Variants in BDP1 observed in about 807,000 individuals in gnomAD.
The protein encoded by BDP1 is BDP1 general transcription factor IIIB subunit, also known as transcription factor TFIIIB component B'' homolog.
In BDP1, 169 loss-of-function variants were observed where a neutral mutation model predicts 266.6. The observed-to-expected ratio is 0.63, with a 90% CI of 0.56 to 0.72. The LOEUF (loss-of-function observed/expected upper bound fraction) is 0.72, where lower values mean the gene tolerates loss of function less well. Ranked by LOEUF, BDP1 falls within the 30% of genes least tolerant of loss-of-function variation. The pLI is 0.00. For missense variants in BDP1, 3,015 were observed against 3,053.8 expected (o/e 0.99, Z 0.30); for synonymous variants, 1,090 against 1,022.4 (o/e 1.07, Z -1.26).
chr5:71,516,328 T>TATAGCTCAGAC lies in BDP1; in HGVS notation c.4860+64_4860+74dup, dbSNP rs1380295303. ...TTTTAATGCATTTAAAATGTCAAGT[T>TATAGCTCAGAC]ATAGCTCAGACATAGCTTAGAAATA... On this transcript the variant is annotated intron_variant, in intron 21 of 38. Transcript: ENST00000358731. 147 of 1,302,742 alleles carry TATAGCTCAGAC rather than the reference T, an allele frequency of 1.1e-4. 1 individual carries two copies. Among genetic ancestry groups the TATAGCTCAGAC allele is most frequent in the Non-Finnish European group, 1.3e-4 (118 of 922,110 alleles). 80.7% of individuals were successfully genotyped at this position (1,302,742 alleles called of 1,614,324 possible). A position where few individuals can be genotyped will look rare whatever the true frequency, so the allele number is the denominator to read the frequency against.
At chr5:71,511,720 A>G (rs1010691597) in intron 17 of BDP1, among the ~76,000 whole-genome samples, 4 of 152,162 alleles carry the variant, frequency 2.6e-5, no homozygotes, top group African/African-American at 4.8e-5. Context: ...TTTAAGTCAG[A>G]TGGGCAAGGA....
rs1293268139 is a variant in BDP1 at position 71,567,772 on chromosome 5, G to A, written c.*2887G>A. 1 of 152,380 alleles carries A rather than the reference G, an allele frequency of 6.6e-6. No individual in the cohort carries two copies. Among genetic ancestry groups the A allele is most frequent in the African/African-American group, 2.4e-5 (1 of 41,382 alleles). The allele number at this position is 152,380 out of a possible 1,614,324, so 9.4% of individuals were successfully genotyped here. On this transcript the variant is annotated 3_prime_UTR_variant, in exon 39 of 39. Coordinates refer to ENST00000358731, the MANE Select transcript of BDP1 (RefSeq NM_018429.3). ...TATAAATTTTCTTGTTCTAAAGAAAGCAGTTATATATATATATAAATTATG... is the reference window on the plus strand; with the variant it reads ...TATAAATTTTCTTGTTCTAAAGAAAACAGTTATATATATATATAAATTATG...
At chr5:71,512,548 G>T in intron 18 of BDP1, 120 bp downstream of exon 18, 1 of 601,690 alleles carries the variant, frequency 1.7e-6, no homozygotes. Flanking sequence ...GATAGTTTTG[G>T]GAAGACTGGG....
chr5:71,506,529 C>T (rs1764585008), intron 16 of BDP1, among the ~76,000 whole-genome samples: 1 of 151,970 alleles, frequency 6.6e-6, no homozygotes, highest in Non-Finnish European at 1.5e-5. Context: ...ATAATCCCAG[C>T]ACTTTGGGAG....
intron 22 of BDP1, among the ~76,000 whole-genome samples, chr5:71,518,537 A>G (rs1205293931): frequency 6.6e-6 from 1 of 151,958 alleles, no homozygotes; most frequent in Non-Finnish European, 1.5e-5. Flanking sequence ...TGCAGCCTCA[A>G]CTTCCTGGGC....
chr5:71,479,163 C>T (rs1465889391), intron 7 of BDP1, among the ~76,000 whole-genome samples: 1 of 151,992 alleles, frequency 6.6e-6, no homozygotes, highest in African/African-American at 2.4e-5. Context: ...CTGCCTCAGC[C>T]TCCCGAGTAG....
the BDP1 span, among the ~76,000 whole-genome samples, chr5:71,577,380 G>A: frequency 3.3e-5 from 5 of 152,308 alleles, no homozygotes; most frequent in Admixed American, 2.0e-4. Flanking sequence ...AACTGGACAC[G>A]CACAGTCAAC....
intron 7 of BDP1, among the ~76,000 whole-genome samples, chr5:71,478,600 G>A (rs972163844): frequency 4.0e-5 from 6 of 151,690 alleles, no homozygotes; most frequent in African/African-American, 1.4e-4. Flanking sequence ...AAAGTCGACA[G>A]TAATCATATC....
chr5:71,455,721 G>C lies in BDP1; in HGVS notation c.-157G>C, dbSNP rs1045032379. The C allele has an allele frequency of 3.1e-6, 2 of 639,342 alleles. No homozygotes were observed. The highest frequency in any genetic ancestry group is 5.4e-6 in the Non-Finnish European group (2 of 371,296). The allele number at this position is 639,342 out of a possible 1,614,324, so 39.6% of individuals were successfully genotyped here. On this transcript the variant is annotated 5_prime_UTR_variant, in exon 1 of 39. Coordinates refer to ENST00000358731, the MANE Select transcript of BDP1 (RefSeq NM_018429.3). Reference sequence around the variant, plus strand: ...CGGCGGCGGCGGGAGAGAGGAGGAGGCGGCGGCGGGGCAGTGAAACTACGG... The same window carrying C: ...CGGCGGCGGCGGGAGAGAGGAGGAGCCGGCGGCGGGGCAGTGAAACTACGG...
chr5:71,464,116 G>T lies in BDP1; in HGVS notation c.658G>T (p.Glu220Ter). The stretch of plus-strand genomic sequence containing the variant: ...GCCATCGACTCCAGTCCAGACAAGA[G>T]AGTAAGTATTTTATTTTTGAATATA... ...EKPSTPVQTR[E>*]QEGKSTPNAE... Residue 220 changes from glutamate (E) to a stop codon, truncating the protein, a stop_gained and splice_region_variant, in exon 4 of 39, where the codon GAG (glutamate) becomes TAG (stop). Transcript: ENST00000358731. LOFTEE classifies it high-confidence loss of function. The T allele has an allele frequency of 6.4e-7, 1 of 1,554,980 alleles. No individual in the cohort carries two copies. Among genetic ancestry groups the T allele is most frequent in the Non-Finnish European group, 8.7e-7 (1 of 1,144,776 alleles).
intron 34 of BDP1, among the ~76,000 whole-genome samples, chr5:71,551,996 A>G (rs75744214): frequency 0.82 from 116,467 of 142,624 alleles, 47,504 homozygotes; most frequent in East Asian, 0.88. Context: ...TGGCCTGGCG[A>G]GGGCTGACCC....
rs117856145 is a variant in BDP1, at chr5:71,537,317, G to T, written c.5893-1725G>T. Among the ~76,000 whole-genome samples the T allele has an allele frequency of 1.1e-3, 164 of 152,062 alleles. 5 individuals are homozygous for T. The East Asian group carries it at 0.03, about 27-fold the overall frequency. On this transcript the variant is annotated intron_variant, in intron 26 of 38. Coordinates refer to ENST00000358731, the MANE Select transcript of BDP1 (RefSeq NM_018429.3). The stretch of plus-strand genomic sequence containing the variant: ...TCAAAGCCTCCCATAATTCAATATC[G>T]CACACTGTTTTCTGGTTGTACCAAA...
At position 71,541,793 on chromosome 5, in the gene BDP1, T is replaced by TAA. The variant is rs1436581870; in HGVS notation, c.6251+113_6251+114dup. On this transcript the variant is annotated intron_variant, in intron 29 of 38. Coordinates refer to ENST00000358731, the MANE Select transcript of BDP1 (RefSeq NM_018429.3). ...TAGGCAATGCTAATTTCTTACCCTT[T>TAA]AAAGATAGACTGATTTTGATTTTAG... 22 of 687,790 alleles carry TAA rather than the reference T, an allele frequency of 3.2e-5. No individual in the cohort carries two copies. In the East Asian group the frequency reaches 6.5e-4, roughly 20 times the overall value. The allele number at this position is 687,790 out of a possible 1,614,324, so 42.6% of individuals were successfully genotyped here.
chr5:71,477,062 T>G (rs1215528109), intron 7 of BDP1, among the ~76,000 whole-genome samples: 1 of 151,620 alleles, frequency 6.6e-6, no homozygotes, highest in Non-Finnish European at 1.5e-5. Flanking sequence ...GCCAGGCTCG[T>G]CTCAAACTTC....
chr5:71,455,702 C>T lies in BDP1; in HGVS notation c.-176C>T. 1.6e-6 allele frequency: 1 copy of T among 615,328 alleles called. No homozygotes were observed. The highest frequency in any genetic ancestry group is 1.9e-5 in the South Asian group (1 of 51,312). The allele number at this position is 615,328 out of a possible 1,614,324, so 38.1% of individuals were successfully genotyped here. On this transcript the variant is annotated 5_prime_UTR_variant, in exon 1 of 39. Transcript: ENST00000358731. ...TGGCAGGGTCATGAAAAAGCGGCGG[C>T]GGCGGGAGAGAGGAGGAGGCGGCGG...
intron 1 of BDP1, among the ~76,000 whole-genome samples, chr5:71,456,893 G>T (rs749313203): frequency 9.2e-5 from 14 of 152,198 alleles, no homozygotes; most frequent in Non-Finnish European, 4.4e-5. Context: ...CTTGTTAAGT[G>T]AAGTGAGATA....
In BDP1 at chr5:71,552,628, G is replaced by A. The variant is rs1172009565; in HGVS notation, c.6996-488G>A. 2.6e-5 allele frequency among the ~76,000 whole-genome samples: 4 copies of A among 152,378 alleles called. 1 individual carries two copies. Among genetic ancestry groups the A allele is most frequent in the Admixed American group, 6.5e-5 (1 of 15,308 alleles). ...CGGTTAGGAGCTGGAGACCAGCCCC[G>A]CCAACACAGCGAAACCCCGTCTCCA... On this transcript the variant is annotated intron_variant, in intron 34 of 38. Coordinates refer to ENST00000358731, the MANE Select transcript of BDP1 (RefSeq NM_018429.3).
At chr5:71,541,711 T>C (rs1252073225) in intron 29 of BDP1, 29 bp downstream of exon 29, 9 of 1,353,848 alleles carry the variant, frequency 6.6e-6, no homozygotes, top group Non-Finnish European at 9.1e-6. Context: ...TTAATAAATA[T>C]TACTAAAACC....
rs1580049000 is a variant in BDP1, at chr5:71,486,776, A to G, written c.1213+149A>G. The G allele has an allele frequency of 2.0e-5, 12 of 610,300 alleles. No individual in the cohort carries two copies. In the East Asian group the frequency reaches 4.1e-4, roughly 21 times the overall value. The allele number at this position is 610,300 out of a possible 1,614,324, so 37.8% of individuals were successfully genotyped here. A position where few individuals can be genotyped will look rare whatever the true frequency, so the allele number is the denominator to read the frequency against. On this transcript the variant is annotated intron_variant, in intron 9 of 38. Coordinates refer to ENST00000358731, the MANE Select transcript of BDP1 (RefSeq NM_018429.3). ...GAGGGAGTATATGTTTTTTCAATCA[A>G]CTAGTTATCTGGTCCAAAACAATAG...
Sources: allele counts gnomAD v4.1 joint callset (sites outside exome capture counted in the v4.1 genomes callset), GRCh38; gene constraint gnomAD v4.1.1; transcripts MANE v1.5; gene names NCBI Gene and HGNC (gene_info 2026-07-23, HGNC 2026-07-21).